The following MCTP1 variants were observed in gnomAD, a reference collection of about 807,000 sequenced individuals.
MCTP1 encodes the protein multiple C2 and transmembrane domain-containing protein 1.
Under a neutral mutation model 120.6 loss-of-function variants are expected in MCTP1, and 69 were observed. The observed-to-expected ratio is 0.57, with a 90% CI of 0.47 to 0.70. MCTP1 has a LOEUF of 0.70. MCTP1 is among the 30% of genes least tolerant of loss of function. The pLI, the probability that MCTP1 is intolerant of heterozygous loss-of-function variation, is 0.00. For synonymous variants in MCTP1, 529 were observed against 493.1 expected (o/e 1.07, Z -0.96); for missense variants, 1,203 against 1,248.8 (o/e 0.96, Z 0.55).
At chr5:95,230,836 CT>C (rs929290017) in intron 1 of MCTP1, among the ~76,000 whole-genome samples, 67 of 152,070 alleles carry the variant, frequency 4.4e-4, no homozygotes, top group Admixed American at 1.6e-3. Flanking sequence ...CCCCACACAC[CT>C]TTTTTTTAAA....
At position 95,177,825 on chromosome 5, in the gene MCTP1, A is replaced by G. The variant is rs566638175; in HGVS notation, c.720+106031T>C. Among the ~76,000 whole-genome samples the G allele has an allele frequency of 5.0e-4, 76 of 152,344 alleles. 1 individual carries two copies. Among genetic ancestry groups the G allele is most frequent in the Admixed American group, 2.3e-3 (35 of 15,304 alleles). On this transcript the variant is annotated intron_variant, in intron 1 of 22. Coordinates refer to ENST00000515393, the MANE Select transcript of MCTP1 (RefSeq NM_024717.7). The stretch of plus-strand genomic sequence containing the variant: ...GGTTGAGATCATATAAGGAATTACT[A>G]GACAGAAAACAGGAGGAAGTTAAGT...
intron 1 of MCTP1, among the ~76,000 whole-genome samples, chr5:95,188,800 A>G (rs1749516437): frequency 6.6e-6 from 1 of 152,138 alleles, no homozygotes; most frequent in African/African-American, 2.4e-5. Context: ...ATTGTCTAGA[A>G]CTAAATATAC....
chr5:94,989,542 C>T (rs1181069654), intron 2 of MCTP1, among the ~76,000 whole-genome samples: 1 of 152,108 alleles, frequency 6.6e-6, no homozygotes, highest in East Asian at 1.9e-4. Context: ...TCTTTTGTTA[C>T]AATATTTAGT....
chr5:94,894,474 G>A (rs1377051644), intron 11 of MCTP1, among the ~76,000 whole-genome samples, 175 bp downstream of exon 11: 2 of 152,200 alleles, frequency 1.3e-5, no homozygotes, highest in Non-Finnish European at 2.9e-5. Flanking sequence ...ACATGGGTGG[G>A]TAATGCAAAT....
At chr5:95,047,293 A>G (rs1351406442) in intron 1 of MCTP1, among the ~76,000 whole-genome samples, 1 of 152,050 alleles carries the variant, frequency 6.6e-6, no homozygotes, top group African/African-American at 2.4e-5. Flanking sequence ...GTCTTACGTC[A>G]TCCTGGTTAA....
chr5:95,163,037 T>TA (rs917255572), intron 1 of MCTP1, among the ~76,000 whole-genome samples: 1 of 152,124 alleles, frequency 6.6e-6, no homozygotes. Context: ...AATATTAACT[T>TA]AAAAAAACAA....
intron 1 of MCTP1, among the ~76,000 whole-genome samples, chr5:95,069,867 T>C (rs1751693570): frequency 6.6e-6 from 1 of 151,960 alleles, no homozygotes; most frequent in Non-Finnish European, 1.5e-5. Context: ...CCCGGCTATT[T>C]TTTTTATTTT....
intron 2 of MCTP1, among the ~76,000 whole-genome samples, chr5:94,994,427 T>TA (rs1028947411): frequency 9.8e-5 from 15 of 152,294 alleles, no homozygotes; most frequent in African/African-American, 3.6e-4. Context: ...CTACGGTGAG[T>TA]AAATAATCCT....
At chr5:94,949,536 T>A (rs951951293) in intron 3 of MCTP1, among the ~76,000 whole-genome samples, 1 of 152,102 alleles carries the variant, frequency 6.6e-6, no homozygotes. Flanking sequence ...TAGTTTTTTT[T>A]AATGACAGTT....
intron 19 of MCTP1, among the ~76,000 whole-genome samples, chr5:94,721,803 T>C (rs1420585454): frequency 1.3e-5 from 2 of 150,438 alleles, no homozygotes; most frequent in African/African-American, 4.9e-5. Flanking sequence ...AGAAATATCA[T>C]AGAGTAGTTA....
chr5:94,985,993 C>A (rs1830362959), intron 2 of MCTP1, among the ~76,000 whole-genome samples: 1 of 151,994 alleles, frequency 6.6e-6, no homozygotes, highest in East Asian at 1.9e-4. Context: ...CTGTTTTCTC[C>A]ATTATAGTTG....
At chr5:94,931,508 T>C (rs1814672960) in intron 6 of MCTP1, 1 of 153,440 alleles carries the variant, frequency 6.5e-6, no homozygotes, top group African/African-American at 2.4e-5. Flanking sequence ...TGGGGAAAAA[T>C]TGTTCTTATT....
chr5:95,275,626 G>T (rs893360730), intron 1 of MCTP1, among the ~76,000 whole-genome samples: 1 of 152,000 alleles, frequency 6.6e-6, no homozygotes, highest in Non-Finnish European at 1.5e-5. Context: ...ATCCCAACAC[G>T]CAATCAATAT....
At chr5:94,781,136 T>A (rs1385657996) in intron 18 of MCTP1, among the ~76,000 whole-genome samples, 1 of 149,384 alleles carries the variant, frequency 6.7e-6, no homozygotes, top group African/African-American at 2.6e-5. Flanking sequence ...TGAAGTATTT[T>A]TTTTTTTTTT....
intron 17 of MCTP1, among the ~76,000 whole-genome samples, chr5:94,842,110 G>A (rs1043104050): frequency 1.3e-5 from 2 of 152,156 alleles, no homozygotes; most frequent in Admixed American, 6.5e-5. Context: ...TGTTAGAAGT[G>A]GTTGCCACTT....
chr5:95,077,776 C>T (rs769308704), intron 1 of MCTP1, among the ~76,000 whole-genome samples: 3 of 151,924 alleles, frequency 2.0e-5, no homozygotes, highest in Non-Finnish European at 4.4e-5. Flanking sequence ...CTGGCCAGTT[C>T]GTTATATATA....
At chr5:95,022,319 T>C (rs1838351026) in intron 1 of MCTP1, among the ~76,000 whole-genome samples, 1 of 152,190 alleles carries the variant, frequency 6.6e-6, no homozygotes, top group Admixed American at 6.5e-5. Context: ...CATTTTTCCT[T>C]AACAGAATAG....
At chr5:95,105,361 C>A (rs1757008089) in intron 1 of MCTP1, among the ~76,000 whole-genome samples, 1 of 152,022 alleles carries the variant, frequency 6.6e-6, no homozygotes. Flanking sequence ...TAAGGAGACT[C>A]CAGAATAGTG....
intron 2 of MCTP1, among the ~76,000 whole-genome samples, chr5:94,957,048 T>A (rs1053880068): frequency 5.9e-5 from 9 of 152,188 alleles, no homozygotes; most frequent in African/African-American, 2.2e-4. Flanking sequence ...GGGAAGCCCA[T>A]CAGACTAACA....
Sources: allele counts gnomAD v4.1 joint callset (sites outside exome capture counted in the v4.1 genomes callset), GRCh38; gene constraint gnomAD v4.1.1; transcripts MANE v1.5; gene names NCBI Gene and HGNC (gene_info 2026-07-23, HGNC 2026-07-21).